Variants in FSTL5 observed in about 807,000 individuals in gnomAD.
FSTL5 encodes follistatin like 5.
Under a neutral mutation model 89.1 loss-of-function variants are expected in FSTL5, and 62 were observed. That is an observed-to-expected ratio of 0.70 (90% CI 0.57 to 0.86). The LOEUF is 0.86. FSTL5 is among the 40% of genes least tolerant of loss of function. The probability of loss-of-function intolerance (pLI) is 0.00; values close to 1 mark genes in which losing one functional copy is unlikely to be tolerated. For missense variants in FSTL5, 1,057 were observed against 1,001.6 expected, an observed-to-expected ratio of 1.06 and a Z score of -0.75; for synonymous variants, 383 against 346.2, an observed-to-expected ratio of 1.11 and a Z score of -1.18.
chr4:161,631,435 G>A (rs963791911), intron 7 of FSTL5, among the ~76,000 whole-genome samples: 10 of 152,154 alleles, frequency 6.6e-5, no homozygotes, highest in Non-Finnish European at 1.0e-4. Context: ...TGGCCAATAT[G>A]GCAAAAACCC....
At chr4:161,797,041 T>A (rs1415198121) in intron 4 of FSTL5, among the ~76,000 whole-genome samples, 1 of 151,674 alleles carries the variant, frequency 6.6e-6, no homozygotes, top group Non-Finnish European at 1.5e-5. Context: ...TCCTTTTGTT[T>A]TCCATCTTGC....
intron 3 of FSTL5, among the ~76,000 whole-genome samples, chr4:161,955,372 A>G (rs1735000245): frequency 6.6e-6 from 1 of 151,736 alleles, no homozygotes; most frequent in Non-Finnish European, 1.5e-5. Flanking sequence ...TAAATAACAA[A>G]AGAATAACTC....
chr4:161,853,147 G>C (rs2126882757), intron 4 of FSTL5, among the ~76,000 whole-genome samples: 1 of 152,240 alleles, frequency 6.6e-6, no homozygotes, highest in East Asian at 1.9e-4. Context: ...ATTTTGTTGA[G>C]CTTATCTGTT....
intron 3 of FSTL5, among the ~76,000 whole-genome samples, chr4:161,971,538 T>C (rs142833510): frequency 6.6e-6 from 1 of 152,288 alleles, no homozygotes; most frequent in East Asian, 1.9e-4. Flanking sequence ...AGATCTATTA[T>C]AAGGCATTAC....
intron 6 of FSTL5, among the ~76,000 whole-genome samples, chr4:161,719,729 G>A (rs1301558555): frequency 6.6e-6 from 1 of 151,958 alleles, no homozygotes; most frequent in African/African-American, 2.4e-5. Flanking sequence ...CATTGTAAAG[G>A]GGATCGTTTT....
At chr4:161,888,804 A>C (rs1042849668) in intron 4 of FSTL5, among the ~76,000 whole-genome samples, 1 of 152,070 alleles carries the variant, frequency 6.6e-6, no homozygotes, top group Non-Finnish European at 1.5e-5. Context: ...AGTGATGATT[A>C]ATTTCAATTA....
intron 5 of FSTL5, among the ~76,000 whole-genome samples, chr4:161,761,275 A>T (rs1258378041): frequency 2.0e-5 from 3 of 152,134 alleles, no homozygotes; most frequent in Non-Finnish European, 4.4e-5. Flanking sequence ...CATATATTAC[A>T]ATTTTTCTAT....
rs536448558 is a variant in FSTL5, at chr4:161,621,562, G to A, written c.895-33987C>T. ...AGAAGAAATAACAATGACAATAGAA[G>A]AAACCAACAAAATAGAATAAAGACA... On this transcript the variant is annotated intron_variant, in intron 7 of 15. Coordinates refer to ENST00000306100, the MANE Select transcript of FSTL5 (RefSeq NM_020116.5). 6.6e-5 allele frequency among the ~76,000 whole-genome samples: 10 copies of A among 151,874 alleles called. No individual in the cohort carries two copies. In the East Asian group the frequency reaches 1.9e-3, roughly 29 times the overall value.
intron 4 of FSTL5, among the ~76,000 whole-genome samples, chr4:161,861,052 A>G (rs2126890025): frequency 6.6e-6 from 1 of 152,298 alleles, no homozygotes; most frequent in East Asian, 1.9e-4. Flanking sequence ...TATTCAGTGA[A>G]TTGTGTGCTA....
chr4:161,616,708 G>A (rs1734883488), intron 7 of FSTL5, among the ~76,000 whole-genome samples: 1 of 151,856 alleles, frequency 6.6e-6, no homozygotes, highest in Non-Finnish European at 1.5e-5. Context: ...GGTGGGAGTG[G>A]GGTGCAGTGG....
chr4:161,945,743 T>C (rs1292080797), intron 3 of FSTL5, among the ~76,000 whole-genome samples: 2 of 152,018 alleles, frequency 1.3e-5, no homozygotes, highest in Non-Finnish European at 2.9e-5. Flanking sequence ...CAGAGCAAGA[T>C]TCTGTCTCAA....
At chr4:161,862,529 T>C (rs1372316024) in intron 4 of FSTL5, among the ~76,000 whole-genome samples, 1 of 152,034 alleles carries the variant, frequency 6.6e-6, no homozygotes, top group Non-Finnish European at 1.5e-5. Context: ...GGTCAAGAGA[T>C]AGAGACCATC....
At chr4:162,036,176 C>T (rs1737731420) in intron 2 of FSTL5, among the ~76,000 whole-genome samples, 1 of 152,086 alleles carries the variant, frequency 6.6e-6, no homozygotes, top group Non-Finnish European at 1.5e-5. Context: ...AAACCAACCT[C>T]ACCATTGAAC....
chr4:161,543,805 A>G (rs965148333), intron 8 of FSTL5, among the ~76,000 whole-genome samples: 4 of 152,114 alleles, frequency 2.6e-5, no homozygotes, highest in Non-Finnish European at 5.9e-5. Flanking sequence ...ATAAACTATC[A>G]GAAGAAAACA....
chr4:161,920,552 A>G lies in FSTL5; in HGVS notation c.261T>C (p.Cys87=), dbSNP rs755027395. The G allele has an allele frequency of 6.2e-7, 1 of 1,614,072 alleles. No individual in the cohort carries two copies. Among genetic ancestry groups the G allele is most frequent in the South Asian group, 1.1e-5 (1 of 91,078 alleles). ...GACGTTTGCAAAGGTCCATACAGGC[A>G]CATTCTGCTTGCCCTGTCTCTCTGC... ...VTSRETGQAE[C]ACMDLCKRHY... The change falls in exon 4 of 16, where the codon TGT becomes TGC. Residue 87 remains cysteine, a synonymous_variant. Coordinates refer to ENST00000306100, the MANE Select transcript of FSTL5 (RefSeq NM_020116.5).
chr4:161,631,571 C>T (rs200296651), intron 7 of FSTL5, among the ~76,000 whole-genome samples: 4 of 152,130 alleles, frequency 2.6e-5, no homozygotes, highest in South Asian at 2.1e-4. Context: ...GAGCCTAGAT[C>T]GTACCATTTC....
At chr4:162,083,406 TTAGA>T (rs1436440564) in intron 2 of FSTL5, among the ~76,000 whole-genome samples, 4 of 151,754 alleles carry the variant, frequency 2.6e-5, no homozygotes, top group Non-Finnish European at 4.4e-5. Flanking sequence ...TATGAAAAAA[TTAGA>T]TAGTTCAACT....
intron 2 of FSTL5, among the ~76,000 whole-genome samples, chr4:162,085,916 T>G (rs546269315): frequency 6.6e-6 from 1 of 152,210 alleles, no homozygotes; most frequent in South Asian, 2.1e-4. Flanking sequence ...TATCACAAAC[T>G]GTCACAGTTA....
At chr4:161,657,087 T>C (rs1478927767) in intron 6 of FSTL5, among the ~76,000 whole-genome samples, 1 of 152,208 alleles carries the variant, frequency 6.6e-6, no homozygotes, top group South Asian at 2.1e-4. Flanking sequence ...AAGATACATA[T>C]CATATTTTAA....
Sources: gnomAD v4.1 joint callset for allele counts (sites outside exome capture counted in the v4.1 genomes callset) on GRCh38, gnomAD v4.1.1 for gene constraint, MANE v1.5 for transcripts, NCBI Gene and HGNC (gene_info 2026-07-23, HGNC 2026-07-21) for gene names.